XRN1: variants seen among roughly 807,000 people sequenced by gnomAD.
XRN1 encodes 5'-3' exoribonuclease 1, also known as strand-exchange protein 1 homolog.
A neutral mutation model predicts 222.3 loss-of-function variants in XRN1; 67 were observed. The ratio of observed to expected loss-of-function variants is 0.30; its 90% CI spans 0.25 to 0.37. The LOEUF (loss-of-function observed/expected upper bound fraction) is 0.37. Ranked by LOEUF, XRN1 falls within the 10% of genes least tolerant of loss-of-function variation. XRN1 has a pLI of 1.00. For synonymous variants in XRN1, 643 were observed against 652.4 expected, an observed-to-expected ratio of 0.99 and a Z score of 0.22; for missense variants, 1,707 against 2,000.2, an observed-to-expected ratio of 0.85 and a Z score of 2.80.
chr3:142,428,668 A>C (rs1274498075), intron 2 of XRN1, among the ~76,000 whole-genome samples: 1 of 152,224 alleles, frequency 6.6e-6, no homozygotes, highest in Non-Finnish European at 1.5e-5. Context: ...AAGTCCAAAT[A>C]ACTCTTGGAC....
intron 39 of XRN1, chr3:142,313,173 G>A (rs934332267): frequency 6.2e-7 from 1 of 1,612,470 alleles, no homozygotes; most frequent in Non-Finnish European, 8.5e-7. Context: ...AGTGATCCCA[G>A]CCTACAAAAA....
At chr3:142,316,280 G>A (rs990683514) in intron 39 of XRN1, among the ~76,000 whole-genome samples, 4 of 142,864 alleles carry the variant, frequency 2.8e-5, no homozygotes, top group African/African-American at 5.2e-5. Context: ...GCAGTGGCAC[G>A]ATCACAGCTC....
intron 1 of XRN1, among the ~76,000 whole-genome samples, chr3:142,440,991 A>G (rs2070181347): frequency 6.6e-6 from 1 of 152,106 alleles, no homozygotes; most frequent in African/African-American, 2.4e-5. Flanking sequence ...TACGCGGATG[A>G]TTTACTTTTG....
At chr3:142,341,925 G>A (rs1264922830) in intron 33 of XRN1, among the ~76,000 whole-genome samples, 1 of 152,054 alleles carries the variant, frequency 6.6e-6, no homozygotes, top group Non-Finnish European at 1.5e-5. Flanking sequence ...GGAGCACCCA[G>A]GTATATAGAG....
chr3:142,431,511 T>C (rs886676938), intron 2 of XRN1, among the ~76,000 whole-genome samples: 1 of 151,412 alleles, frequency 6.6e-6, no homozygotes, highest in Non-Finnish European at 1.5e-5. Flanking sequence ...TGAAACCCTG[T>C]CTCTATTAAA....
chr3:142,328,706 TATATATATATATATATATATATATATA>T lies in XRN1; in HGVS notation c.4404+701_4404+727del, dbSNP rs1560291929. ...ACATATAGGTTTACTTGTAATATTA[TATATATATATATATATATATATATATA>T]TATATATATATATATATATATATAT... On this transcript the variant is annotated intron_variant, in intron 37 of 40. Transcript: ENST00000392981. Among the ~76,000 whole-genome samples the T allele has an allele frequency of 4.5e-3, 8 of 1,764 alleles. No homozygotes were observed. In the East Asian group the frequency reaches 0.2, roughly 44 times the overall value. The allele number at this position is 1,764 out of a possible 152,430, so 1.2% of individuals were successfully genotyped here.
intron 23 of XRN1, 45 bp from the exon 24 acceptor site, chr3:142,376,639 T>TAC (rs1287668891): frequency 7.4e-7 from 1 of 1,348,004 alleles, no homozygotes; most frequent in Non-Finnish European, 1.0e-6. Flanking sequence ...AACACAAGTT[T>TAC]ACATTAAATG....
Position 142,403,790 on chromosome 3 carries a change from T to TA in XRN1, c.2005-19dup, listed in dbSNP as rs754151431. 6.2e-7 allele frequency: 1 copy of TA among 1,610,174 alleles called. No homozygotes were observed. The highest frequency in any genetic ancestry group is 8.5e-7 in the Non-Finnish European group (1 of 1,177,728). The stretch of plus-strand genomic sequence containing the variant: ...AAAAAAAACTTTAAAAGAATTCAAA[T>TA]AATTTAATTTTAATTCTTTCTCCAT... On this transcript the variant is annotated intron_variant, in intron 17 of 40. Transcript: ENST00000392981.
At position 142,423,719 on chromosome 3, in the gene XRN1, C is replaced by G. The variant is rs1002141912; in HGVS notation, c.628-77G>C. The G allele has an allele frequency of 7.6e-6, 8 of 1,057,322 alleles. No individual in the cohort carries two copies. In the East Asian group the frequency reaches 2.2e-4, roughly 29 times the overall value. 65.5% of individuals were successfully genotyped at this position (1,057,322 alleles called of 1,614,324 possible). A position where few individuals can be genotyped will look rare whatever the true frequency, so the allele number is the denominator to read the frequency against. ...TAGGTTCACAAAAGCAATTAAAAAACAATTCTATACAAGGAAGAATAAGAA... is the reference window on the plus strand; with the variant it reads ...TAGGTTCACAAAAGCAATTAAAAAAGAATTCTATACAAGGAAGAATAAGAA... On this transcript the variant is annotated intron_variant, in intron 5 of 40. Transcript: ENST00000392981.
chr3:142,429,008 A>C (rs1052157570), intron 2 of XRN1, among the ~76,000 whole-genome samples: 1 of 152,186 alleles, frequency 6.6e-6, no homozygotes, highest in African/African-American at 2.4e-5. Context: ...GAGACTAAGA[A>C]AGTACAAAGA....
chr3:142,429,389 C>A (rs2069417612), intron 2 of XRN1, among the ~76,000 whole-genome samples: 1 of 151,980 alleles, frequency 6.6e-6, no homozygotes, highest in Non-Finnish European at 1.5e-5. Context: ...ACCTTGTGAT[C>A]CACCCGCCTG....
At chr3:142,316,133 T>A (rs1249392689) in intron 39 of XRN1, among the ~76,000 whole-genome samples, 2 of 152,144 alleles carry the variant, frequency 1.3e-5, no homozygotes, top group Non-Finnish European at 2.9e-5. Flanking sequence ...ACTCTGATAA[T>A]GTTTCTTTTC....
intron 39 of XRN1, among the ~76,000 whole-genome samples, chr3:142,316,422 T>C (rs2065214089): frequency 6.6e-6 from 1 of 152,060 alleles, no homozygotes; most frequent in Non-Finnish European, 1.5e-5. Flanking sequence ...GGTTTTATCA[T>C]GTTGCCCAGG....
rs191522502 is a variant in XRN1 at position 142,330,599 on chromosome 3, T to G, written c.4223-984A>C. Among the ~76,000 whole-genome samples, 734 of 151,968 alleles carry G rather than the reference T, an allele frequency of 4.8e-3. 2 individuals are homozygous for G. Among genetic ancestry groups the G allele is most frequent in the Non-Finnish European group, 7.5e-3 (508 of 67,950 alleles). ...AAGACTCTAAAGCCTATGAGTTTTTTTTTTTTTTTTTCCTATACTGAAATA... is the reference window on the plus strand; with the variant it reads ...AAGACTCTAAAGCCTATGAGTTTTTGTTTTTTTTTTTCCTATACTGAAATA... On this transcript the variant is annotated intron_variant, in intron 36 of 40. Coordinates refer to ENST00000392981, the MANE Select transcript of XRN1 (RefSeq NM_001282857.2).
At chr3:142,414,428 T>C in intron 13 of XRN1, 137 bp from the exon 14 acceptor site, 1 of 603,906 alleles carries the variant, frequency 1.7e-6, no homozygotes, top group Non-Finnish European at 2.5e-6. Flanking sequence ...TTCTACTATC[T>C]GAATATAAGA....
chr3:142,434,911 G>GT (rs1355454079), intron 1 of XRN1: 10 of 152,066 alleles, frequency 6.6e-5, no homozygotes, highest in Admixed American at 2.0e-4. Context: ...AAATTTTACT[G>GT]TAAGAAATGT....
chr3:142,411,579 G>C (rs148667060), intron 15 of XRN1, among the ~76,000 whole-genome samples: 1 of 151,962 alleles, frequency 6.6e-6, no homozygotes, highest in Non-Finnish European at 1.5e-5. Context: ...CCAAAGTGTT[G>C]GGATTACAGC....
At chr3:142,343,212 T>C (rs2066045915) in intron 33 of XRN1, among the ~76,000 whole-genome samples, 1 of 151,610 alleles carries the variant, frequency 6.6e-6, no homozygotes. Flanking sequence ...TCCCAGCACT[T>C]TGGGAGGCCG....
intron 1 of XRN1, among the ~76,000 whole-genome samples, chr3:142,434,819 C>G (rs2069798913): frequency 6.6e-6 from 1 of 151,972 alleles, no homozygotes; most frequent in South Asian, 2.1e-4. Context: ...AGTTATCAAA[C>G]AGATGGTTTG....
Sources: gnomAD v4.1 joint callset for allele counts (sites outside exome capture counted in the v4.1 genomes callset) on GRCh38, gnomAD v4.1.1 for gene constraint, MANE v1.5 for transcripts, NCBI Gene and HGNC (gene_info 2026-07-23, HGNC 2026-07-21) for gene names.